Variants in MOB1B observed in about 807,000 individuals in gnomAD.
MOB1B encodes the protein MOB1 Mps One Binder homolog B.
Under a neutral mutation model 24.4 loss-of-function variants are expected in MOB1B, and 19 were observed. The observed-to-expected ratio is 0.78, with a 90% CI of 0.54 to 1.14. The LOEUF (loss-of-function observed/expected upper bound fraction) is 1.14, where lower values mean the gene tolerates loss of function less well. Ranked by LOEUF, MOB1B falls within the 50% of genes most tolerant of loss-of-function variation. The probability of loss-of-function intolerance (pLI) is 0.00; values close to 1 mark genes in which losing one functional copy is unlikely to be tolerated. For missense variants in MOB1B, 243 were observed against 259.6 expected, an observed-to-expected ratio of 0.94 and a Z score of 0.44; for synonymous variants, 76 against 82.1, an observed-to-expected ratio of 0.93 and a Z score of 0.40.
chr4:70,903,997 T>C (rs1357952471), intron 1 of MOB1B, among the ~76,000 whole-genome samples: 1 of 145,938 alleles, frequency 6.9e-6, no homozygotes, highest in Non-Finnish European at 1.5e-5. Flanking sequence ...TTTTTTTTTT[T>C]TGAGACGGAG....
At chr4:70,919,315 TA>T (rs528264787) in intron 1 of MOB1B, among the ~76,000 whole-genome samples, 7,745 of 142,196 alleles carry the variant, frequency 0.054, 222 homozygotes, top group African/African-American at 0.086. Flanking sequence ...TAATAATAAT[TA>T]AAAAAAAAAA....
chr4:70,924,075 T>G (rs1451323325), intron 1 of MOB1B, among the ~76,000 whole-genome samples: 1 of 151,932 alleles, frequency 6.6e-6, no homozygotes, highest in Non-Finnish European at 1.5e-5. Context: ...TAAGGCAACT[T>G]TTTCTGGTGT....
At chr4:70,958,529 C>G (rs139664191) in intron 1 of MOB1B, among the ~76,000 whole-genome samples, 1 of 152,014 alleles carries the variant, frequency 6.6e-6, no homozygotes, top group African/African-American at 2.4e-5. Flanking sequence ...AATTGTATCT[C>G]TATATTTCTT....
At chr4:70,904,195 G>C (rs991791205) in intron 1 of MOB1B, among the ~76,000 whole-genome samples, 2 of 151,288 alleles carry the variant, frequency 1.3e-5, no homozygotes, top group Non-Finnish European at 2.9e-5. Context: ...TGTTGGCCAG[G>C]CTGGTCTCGA....
intron 2 of MOB1B, 63 bp from the exon 3 acceptor site, chr4:70,969,868 A>C (rs1277043413): frequency 1.1e-6 from 1 of 925,066 alleles, no homozygotes; most frequent in Non-Finnish European, 1.7e-6. Flanking sequence ...GTTCAAGTAC[A>C]ATTAAAATTT....
intron 1 of MOB1B, among the ~76,000 whole-genome samples, chr4:70,941,942 G>A (rs763497597): frequency 5.9e-5 from 9 of 152,034 alleles, no homozygotes; most frequent in Non-Finnish European, 1.2e-4. Flanking sequence ...TAAACCTCTT[G>A]ATTAGAATGT....
At chr4:70,934,953 T>C (rs1223068534) in intron 1 of MOB1B, among the ~76,000 whole-genome samples, 1 of 152,008 alleles carries the variant, frequency 6.6e-6, no homozygotes, top group African/African-American at 2.4e-5. Context: ...ATTATATGTA[T>C]ATTTTTAGAG....
intron 1 of MOB1B, among the ~76,000 whole-genome samples, chr4:70,935,873 A>C (rs1737063464): frequency 2.0e-5 from 2 of 101,980 alleles, no homozygotes; most frequent in Admixed American, 2.7e-4. Context: ...TTTTTTTGAG[A>C]CGGAGTCTCG....
chr4:70,980,635 A>G (rs1739175506), intron 5 of MOB1B, among the ~76,000 whole-genome samples: 1 of 152,162 alleles, frequency 6.6e-6, no homozygotes. Context: ...CCCTCCCCAC[A>G]GAGTGAGGAA....
chr4:70,943,274 G>C (rs1047974292), intron 1 of MOB1B, among the ~76,000 whole-genome samples: 3 of 152,180 alleles, frequency 2.0e-5, no homozygotes, highest in Admixed American at 6.5e-5. Flanking sequence ...AGAGGAACAA[G>C]TAGTTTACTA....
At chr4:70,944,463 T>C (rs933252015) in intron 1 of MOB1B, among the ~76,000 whole-genome samples, 3 of 152,234 alleles carry the variant, frequency 2.0e-5, no homozygotes, top group Non-Finnish European at 4.4e-5. Context: ...TTAGAAAAGT[T>C]TGAGATTGAC....
intron 4 of MOB1B, chr4:70,975,642 A>G (rs974808175): frequency 1.1e-6 from 1 of 947,396 alleles, no homozygotes. Context: ...CAATGATAGC[A>G]TTTTTTAACA....
chr4:70,971,250 C>T lies in MOB1B; in HGVS notation c.275+1226C>T, dbSNP rs182223981. Among the ~76,000 whole-genome samples, 76 of 152,314 alleles carry T rather than the reference C, an allele frequency of 5.0e-4. 1 individual carries two copies. The Middle Eastern group carries it at 0.02, about 41-fold the overall frequency. On this transcript the variant is annotated intron_variant, in intron 3 of 5. Transcript: ENST00000309395. The stretch of plus-strand genomic sequence containing the variant: ...GGGCATGGTGGCTCACGCCTATAAT[C>T]CCAGCACTTTGGGAGGCTGAGACTG...
At chr4:70,905,654 C>T (rs148967956) in intron 1 of MOB1B, among the ~76,000 whole-genome samples, 86 of 152,132 alleles carry the variant, frequency 5.7e-4, no homozygotes, top group Admixed American at 1.1e-3. Flanking sequence ...GGGAAGCCTA[C>T]GATCAGTGGA....
chr4:70,964,169 A>G (rs945926778), intron 2 of MOB1B, among the ~76,000 whole-genome samples: 3 of 152,248 alleles, frequency 2.0e-5, no homozygotes, highest in African/African-American at 7.2e-5. Context: ...ATCCATGGTC[A>G]TAATGGGAGA....
At chr4:70,981,417 C>T (rs573751454) in intron 5 of MOB1B, among the ~76,000 whole-genome samples, 3 of 152,310 alleles carry the variant, frequency 2.0e-5, no homozygotes, top group South Asian at 4.1e-4. Flanking sequence ...TCTAAAGGAG[C>T]ACAAATTAAA....
At chr4:70,979,410 C>CTGGA in intron 5 of MOB1B, 119 bp downstream of exon 5, 1 of 706,186 alleles carries the variant, frequency 1.4e-6, no homozygotes, top group Non-Finnish European at 2.3e-6. Flanking sequence ...AGTCTGCATC[C>CTGGA]TCTTCTACAG....
intron 1 of MOB1B, among the ~76,000 whole-genome samples, chr4:70,915,070 C>A (rs1736146025): frequency 6.6e-6 from 1 of 152,102 alleles, no homozygotes; most frequent in African/African-American, 2.4e-5. Flanking sequence ...AGTGATACTT[C>A]GGTTATTATC....
rs1029509896 is a variant in MOB1B, at chr4:70,987,469, G to A, written c.*5412G>A. ...TTAAGGATGCTTTGCTCCTTAAATTGTTCGACAGAAATGACTTTTTAGGGA... is the reference window on the plus strand; with the variant it reads ...TTAAGGATGCTTTGCTCCTTAAATTATTCGACAGAAATGACTTTTTAGGGA... On this transcript the variant is annotated 3_prime_UTR_variant, in exon 6 of 6. Coordinates refer to ENST00000309395, the MANE Select transcript of MOB1B (RefSeq NM_173468.4). 1 of 152,036 alleles carries A rather than the reference G, an allele frequency of 6.6e-6. No individual in the cohort carries two copies. The highest frequency in any genetic ancestry group is 2.4e-5 in the African/African-American group (1 of 41,412). The allele number at this position is 152,036 out of a possible 1,614,324, so 9.4% of individuals were successfully genotyped here. A position where few individuals can be genotyped will look rare whatever the true frequency, so the allele number is the denominator to read the frequency against.
Sources: gnomAD v4.1 joint callset for allele counts (sites outside exome capture counted in the v4.1 genomes callset) on GRCh38, gnomAD v4.1.1 for gene constraint, MANE v1.5 for transcripts, NCBI Gene and HGNC (gene_info 2026-07-23, HGNC 2026-07-21) for gene names.